The following FSTL5 variants were observed in gnomAD, a reference collection of about 807,000 sequenced individuals.
FSTL5 encodes follistatin like 5, also known as follistatin-related protein 5.
A neutral mutation model predicts 89.1 loss-of-function variants in FSTL5; 62 were observed. The observed-to-expected ratio is 0.70, with a 90% CI of 0.57 to 0.86. The LOEUF (loss-of-function observed/expected upper bound fraction) is 0.86. Ranked by LOEUF, FSTL5 falls within the 40% of genes least tolerant of loss-of-function variation. FSTL5 has a pLI of 0.00. For synonymous variants in FSTL5, 383 were observed against 346.2 expected, an observed-to-expected ratio of 1.11 and a Z score of -1.18; for missense variants, 1,057 against 1,001.6, an observed-to-expected ratio of 1.06 and a Z score of -0.75.
chr4:161,739,198 C>T (rs956430533), intron 6 of FSTL5, among the ~76,000 whole-genome samples: 3 of 152,110 alleles, frequency 2.0e-5, no homozygotes, highest in African/African-American at 7.2e-5. Context: ...AAGATGAAGT[C>T]ATTAAGGTGG....
chr4:161,582,427 C>T (rs1415168862), intron 8 of FSTL5, among the ~76,000 whole-genome samples: 1 of 151,946 alleles, frequency 6.6e-6, no homozygotes, highest in Non-Finnish European at 1.5e-5. Flanking sequence ...TATTTTTATC[C>T]AGTATTGTTC....
At chr4:161,562,562 A>C (rs979421371) in intron 8 of FSTL5, among the ~76,000 whole-genome samples, 2 of 151,740 alleles carry the variant, frequency 1.3e-5, no homozygotes, top group African/African-American at 4.8e-5. Context: ...TATTTGGTTA[A>C]GTTTACTCTT....
intron 4 of FSTL5, among the ~76,000 whole-genome samples, chr4:161,885,310 T>C (rs1732772240): frequency 6.6e-6 from 1 of 152,166 alleles, no homozygotes; most frequent in Non-Finnish European, 1.5e-5. Context: ...AGACATTGCT[T>C]TCCTCAATAC....
intron 4 of FSTL5, among the ~76,000 whole-genome samples, chr4:161,828,548 G>A (rs537265101): frequency 1.5e-3 from 224 of 152,252 alleles, no homozygotes; most frequent in African/African-American, 4.9e-3. Context: ...ATTTTTTAAA[G>A]TGTTATACTT....
chr4:161,572,948 C>T (rs1223727863), intron 8 of FSTL5, among the ~76,000 whole-genome samples: 3 of 152,104 alleles, frequency 2.0e-5, no homozygotes, highest in African/African-American at 7.2e-5. Flanking sequence ...GATACGGTGG[C>T]TTGATGGTGT....
chr4:161,635,900 CA>C (rs1735671388), intron 7 of FSTL5, among the ~76,000 whole-genome samples: 1 of 152,014 alleles, frequency 6.6e-6, no homozygotes, highest in Non-Finnish European at 1.5e-5. Context: ...AAACAGTTGC[CA>C]ACAAACATAT....
intron 4 of FSTL5, among the ~76,000 whole-genome samples, chr4:161,790,003 A>G (rs1299913754): frequency 6.6e-6 from 1 of 152,230 alleles, no homozygotes; most frequent in African/African-American, 2.4e-5. Context: ...TCACCTTTCT[A>G]AACATGCATA....
chr4:161,506,816 T>A (rs1730497600), intron 11 of FSTL5, among the ~76,000 whole-genome samples: 1 of 152,204 alleles, frequency 6.6e-6, no homozygotes, highest in South Asian at 2.1e-4. Flanking sequence ...TTAACTTTGT[T>A]GTATAATTTC....
At chr4:161,603,823 A>C (rs1353630687) in intron 7 of FSTL5, among the ~76,000 whole-genome samples, 1 of 152,140 alleles carries the variant, frequency 6.6e-6, no homozygotes, top group African/African-American at 2.4e-5. Context: ...AATTTAGAAG[A>C]AGCAATGATA....
intron 2 of FSTL5, among the ~76,000 whole-genome samples, chr4:162,089,260 G>C (rs1258221378): frequency 6.6e-6 from 1 of 152,086 alleles, no homozygotes; most frequent in Admixed American, 6.6e-5. Flanking sequence ...ATCTGTTATA[G>C]CAAAACACCG....
chr4:161,792,720 C>T (rs1448443070), intron 4 of FSTL5, among the ~76,000 whole-genome samples: 1 of 152,148 alleles, frequency 6.6e-6, no homozygotes, highest in Admixed American at 6.5e-5. Flanking sequence ...CTAGCAGCTA[C>T]CCACTCCTGT....
chr4:161,842,241 C>T (rs75665091), intron 4 of FSTL5, among the ~76,000 whole-genome samples: 3,373 of 152,126 alleles, frequency 0.022, 125 homozygotes, highest in African/African-American at 0.075. Flanking sequence ...AAGTTGGCCC[C>T]CATGCTTGCT....
intron 6 of FSTL5, among the ~76,000 whole-genome samples, chr4:161,728,035 T>G (rs989231757): frequency 3.9e-5 from 6 of 151,976 alleles, no homozygotes; most frequent in Non-Finnish European, 5.9e-5. Context: ...GAATCAAAAT[T>G]TATGAGGATG....
chr4:161,832,928 G>C (rs1192667679), intron 4 of FSTL5, among the ~76,000 whole-genome samples: 2 of 147,474 alleles, frequency 1.4e-5, no homozygotes, highest in South Asian at 4.5e-4. Context: ...GCTAGCTTTC[G>C]AATGTGTTTG....
chr4:161,771,585 C>T (rs575438913), intron 5 of FSTL5, among the ~76,000 whole-genome samples: 126 of 152,204 alleles, frequency 8.3e-4, no homozygotes, highest in African/African-American at 3.0e-3. Flanking sequence ...TTTAGGGCCA[C>T]TACTCCTTTG....
At chr4:161,765,053 T>C (rs1299109864) in intron 5 of FSTL5, among the ~76,000 whole-genome samples, 2 of 152,218 alleles carry the variant, frequency 1.3e-5, no homozygotes, top group Admixed American at 6.5e-5. Context: ...TATTCTCAAA[T>C]CTTTAGCTAA....
At chr4:161,504,282 C>G (rs985372675) in intron 11 of FSTL5, among the ~76,000 whole-genome samples, 1 of 151,846 alleles carries the variant, frequency 6.6e-6, no homozygotes, top group African/African-American at 2.4e-5. Context: ...ACACAAAGTT[C>G]TTTAAGTTCT....
rs534000846 is a variant in FSTL5 at position 161,464,566 on chromosome 4, T to C, written c.1609-5247A>G. Reference sequence around the variant, plus strand: ...TTTGTATTTTAGTATATTTATTTCTTATTGTCTGCCTCATCTAATAGATTC... The same window carrying C: ...TTTGTATTTTAGTATATTTATTTCTCATTGTCTGCCTCATCTAATAGATTC... On this transcript the variant is annotated intron_variant, in intron 13 of 15. Coordinates refer to ENST00000306100, the MANE Select transcript of FSTL5 (RefSeq NM_020116.5). 4.6e-5 allele frequency among the ~76,000 whole-genome samples: 7 copies of C among 152,312 alleles called. No homozygotes were observed. In the East Asian group the frequency reaches 1.4e-3, roughly 29 times the overall value.
At chr4:161,747,978 A>C (rs1339744718) in intron 6 of FSTL5, among the ~76,000 whole-genome samples, 1 of 152,172 alleles carries the variant, frequency 6.6e-6, no homozygotes, top group Non-Finnish European at 1.5e-5. Context: ...AGATGGTGCT[A>C]ACACTATATG....
Sources: gnomAD v4.1 joint callset for allele counts (sites outside exome capture counted in the v4.1 genomes callset) on GRCh38, gnomAD v4.1.1 for gene constraint, MANE v1.5 for transcripts, NCBI Gene and HGNC (gene_info 2026-07-23, HGNC 2026-07-21) for gene names.